The following IPPK variants were observed in gnomAD, a reference collection of about 807,000 sequenced individuals.
IPPK encodes IPK1 homolog.
Under a neutral mutation model 64.6 loss-of-function variants are expected in IPPK, and 22 were observed. The ratio of observed to expected loss-of-function variants is 0.34; its 90% CI spans 0.24 to 0.49. IPPK has a LOEUF of 0.49. IPPK is among the 20% of genes least tolerant of loss of function. The pLI is 0.99. For synonymous variants in IPPK, 262 were observed against 247.2 expected, an observed-to-expected ratio of 1.06 and a Z score of -0.56; for missense variants, 532 against 630.7, an observed-to-expected ratio of 0.84 and a Z score of 1.68.
At chr9:92,668,615 T>TA (rs1317663329) in intron 1 of IPPK, among the ~76,000 whole-genome samples, 1 of 152,224 alleles carries the variant, frequency 6.6e-6, no homozygotes, top group Non-Finnish European at 1.5e-5. Flanking sequence ...GGGAAAGGAT[T>TA]CAGGGGATCA....
At chr9:92,651,138 AGT>A in intron 4 of IPPK, among the ~76,000 whole-genome samples, 1 of 151,780 alleles carries the variant, frequency 6.6e-6, no homozygotes, top group East Asian at 1.9e-4. Flanking sequence ...CCTTTCCTGC[AGT>A]GTGAAGCCCA....
chr9:92,628,451 G>T (rs988078665), intron 11 of IPPK, among the ~76,000 whole-genome samples: 4 of 152,186 alleles, frequency 2.6e-5, no homozygotes, highest in Admixed American at 1.3e-4. Flanking sequence ...TCAAGACAGG[G>T]TACTGGCATA....
chr9:92,659,240 T>G (rs1040737230), intron 1 of IPPK, among the ~76,000 whole-genome samples: 2 of 152,176 alleles, frequency 1.3e-5, no homozygotes, highest in African/African-American at 4.8e-5. Flanking sequence ...TGGGCATGCA[T>G]GAATAGTTGC....
rs921890240 is a variant in IPPK, at chr9:92,635,473, C to T, written c.917-165G>A. ...CTGGCACTAAGGACAGACGAGATGACGCTCCCGCCTCACAGAGCTGCTGGA... is the reference window on the plus strand; with the variant it reads ...CTGGCACTAAGGACAGACGAGATGATGCTCCCGCCTCACAGAGCTGCTGGA... On this transcript the variant is annotated intron_variant, in intron 9 of 12. Transcript: ENST00000287996. This position sits in a 1 kb window ranked among gnomAD's most constrained non-coding sequence, Gnocchi z 4.4. 4.6e-5 allele frequency among the ~76,000 whole-genome samples: 7 copies of T among 152,186 alleles called. No individual in the cohort carries two copies. Among genetic ancestry groups the T allele is most frequent in the African/African-American group, 1.4e-4 (6 of 41,452 alleles).
intron 6 of IPPK, 84 bp downstream of exon 6, chr9:92,647,975 T>C: frequency 1.2e-6 from 1 of 805,688 alleles, no homozygotes. Context: ...TCTTTTACTC[T>C]TCTGAAAACT....
Position 92,648,081 on chromosome 9 carries a change from T to G in IPPK, c.482A>C (p.Tyr161Ser). ...THEMKHKVCR[Y>S]CMHQHLKVAT... ...CACCTTGAGGTGCTGGTGCATGCAG[T>G]ATCGACAGACCTTATGCTTCATCTC... The change falls in exon 6 of 13, where the codon TAC becomes TCC. Residue 161 changes from tyrosine (Y) to serine (S), a missense_variant. Coordinates refer to ENST00000287996, the MANE Select transcript of IPPK (RefSeq NM_022755.6). 1.2e-6 allele frequency: 2 copies of G among 1,613,322 alleles called. No homozygotes were observed. Among genetic ancestry groups the G allele is most frequent in the Non-Finnish European group, 1.7e-6 (2 of 1,179,582 alleles).
chr9:92,638,697 C>G (rs1326448752), intron 8 of IPPK, among the ~76,000 whole-genome samples: 1 of 152,230 alleles, frequency 6.6e-6, no homozygotes, highest in African/African-American at 2.4e-5. Flanking sequence ...GCAGTCAGCA[C>G]CAGCACCACA....
At chr9:92,642,081 C>T (rs1852057936) in intron 7 of IPPK, among the ~76,000 whole-genome samples, 1 of 152,232 alleles carries the variant, frequency 6.6e-6, no homozygotes, top group Non-Finnish European at 1.5e-5. Context: ...CTGCTCCCAC[C>T]CTCAGCCCTG....
At chr9:92,659,901 G>C (rs1852447515) in intron 1 of IPPK, among the ~76,000 whole-genome samples, 1 of 152,038 alleles carries the variant, frequency 6.6e-6, no homozygotes, top group Non-Finnish European at 1.5e-5. Context: ...TCGCTGTGCT[G>C]CAGATAGCTG....
chr9:92,619,842 G>A (rs1222555442), intron 11 of IPPK: 2 of 481,820 alleles, frequency 4.2e-6, no homozygotes, highest in South Asian at 2.5e-5. Context: ...ACCCTGAGAC[G>A]GATGATCTGT....
At chr9:92,658,253 A>G (rs1334996240) in intron 2 of IPPK, among the ~76,000 whole-genome samples, 2 of 152,200 alleles carry the variant, frequency 1.3e-5, no homozygotes, top group Admixed American at 6.5e-5. Flanking sequence ...ACTGTCTACC[A>G]CCACACTGGA....
rs145436117 is a variant in IPPK, at chr9:92,621,054, T to A, written c.1171-1489A>T. On this transcript the variant is annotated intron_variant, in intron 11 of 12. Transcript: ENST00000287996. ...CTTATCCACAGCCCTCTTTTCACTG[T>A]CACTTCACATGGTGAAAGGGGCTGG... Among the ~76,000 whole-genome samples, 105 of 152,328 alleles carry A rather than the reference T, an allele frequency of 6.9e-4. No individual in the cohort carries two copies. The East Asian group carries it at 0.019, about 28-fold the overall frequency.
chr9:92,642,777 A>G lies in IPPK; in HGVS notation c.538T>C (p.Tyr180His). 1 of 1,614,162 alleles carries G rather than the reference A, an allele frequency of 6.2e-7. No individual in the cohort carries two copies. The highest frequency in any genetic ancestry group is 8.5e-7 in the Non-Finnish European group (1 of 1,179,960). ...CCTGAGTAGAGATCAAGGGGACAGT[A>G]TTTGCTGATCTGCTTCCACTTCCCA... The part of the protein sequence containing the change: ...ATGKWKQISK[Y>H]CPLDLYSGNK... Residue 180 changes from tyrosine to histidine, a missense_variant, in exon 7 of 13, where the codon TAC becomes CAC. Tyr to His is a moderately conservative substitution (Grantham distance 83). Transcript: ENST00000287996.
At chr9:92,645,875 G>C (rs1392876734) in intron 6 of IPPK, among the ~76,000 whole-genome samples, 3 of 151,678 alleles carry the variant, frequency 2.0e-5, no homozygotes, top group African/African-American at 7.3e-5. Context: ...GAGTCCTTTT[G>C]GCTGAAATAA....
intron 7 of IPPK, among the ~76,000 whole-genome samples, chr9:92,640,997 T>C (rs1852035381): frequency 6.6e-6 from 1 of 152,160 alleles, no homozygotes; most frequent in African/African-American, 2.4e-5. Flanking sequence ...CTCCACAGCC[T>C]GACACGCACT....
At chr9:92,625,818 C>T (rs893076447) in intron 11 of IPPK, among the ~76,000 whole-genome samples, 1 of 152,162 alleles carries the variant, frequency 6.6e-6, no homozygotes, top group African/African-American at 2.4e-5. Context: ...AAGAAGGCAT[C>T]CCCTATTTGG....
intron 4 of IPPK, 100 bp downstream of exon 4, chr9:92,652,473 A>G: frequency 1.9e-6 from 1 of 532,812 alleles, no homozygotes; most frequent in Non-Finnish European, 3.2e-6. Flanking sequence ...AAAAAGGATT[A>G]CTGAAAAATG....
chr9:92,625,290 C>G (rs1393084775), intron 11 of IPPK, among the ~76,000 whole-genome samples: 1 of 151,996 alleles, frequency 6.6e-6, no homozygotes, highest in Non-Finnish European at 1.5e-5. Flanking sequence ...TCAACTGTTG[C>G]AAGAAGAAAT....
intron 11 of IPPK, among the ~76,000 whole-genome samples, chr9:92,624,948 A>C (rs1403488756): frequency 1.3e-5 from 2 of 152,090 alleles, no homozygotes; most frequent in Non-Finnish European, 2.9e-5. Flanking sequence ...ATACAGCATG[A>C]TCTCGTAAGT....
Sources: gnomAD v4.1 joint callset for allele counts (sites outside exome capture counted in the v4.1 genomes callset) on GRCh38, gnomAD v4.1.1 for gene constraint, Gnocchi (gnomAD v3.1) non-coding constraint, MANE v1.5 for transcripts, NCBI Gene and HGNC (gene_info 2026-07-23, HGNC 2026-07-21) for gene names.